The following RUNX3 variants were observed in gnomAD, a reference collection of about 807,000 sequenced individuals.
RUNX3 encodes runt-related transcription factor 3.
RUNX3 carries 10 observed loss-of-function variants against 27.7 expected under a neutral mutation model. The ratio of observed to expected loss-of-function variants is 0.36; its 90% CI spans 0.22 to 0.61. The LOEUF (loss-of-function observed/expected upper bound fraction) is 0.61. RUNX3 is among the 20% of genes least tolerant of loss of function. RUNX3 has a pLI of 0.72. For synonymous variants in RUNX3, 270 were observed against 269.2 expected (o/e 1.00, Z -0.03); for missense variants, 469 against 629.5 (o/e 0.75, Z 2.73).
chr1:24,902,039 C>T lies in RUNX3; in HGVS notation c.*83G>A. Reference sequence around the variant, plus strand: ...CCCTGGAGCGCAGGTCCCATTCCCGCCCGGAGCCTCGGAGCCGGCCCATCA... The same window carrying T: ...CCCTGGAGCGCAGGTCCCATTCCCGTCCGGAGCCTCGGAGCCGGCCCATCA... On this transcript the variant is annotated 3_prime_UTR_variant, in exon 5 of 5. Coordinates refer to ENST00000308873, the MANE Select transcript of RUNX3 (RefSeq NM_004350.3). This position sits in a 1 kb window ranked among gnomAD's most constrained non-coding sequence, Gnocchi z 9.2. 1 of 1,335,218 alleles carries T rather than the reference C, an allele frequency of 7.5e-7. No homozygotes were observed. Among genetic ancestry groups the T allele is most frequent in the Non-Finnish European group, 1.0e-6 (1 of 1,004,124 alleles). 82.7% of individuals were successfully genotyped at this position (1,335,218 alleles called of 1,614,324 possible). A position where few individuals can be genotyped will look rare whatever the true frequency, so the allele number is the denominator to read the frequency against.
At chr1:24,957,336 T>TCATC (rs72443915) in intron 2 of RUNX3, among the ~76,000 whole-genome samples, 28,485 of 149,834 alleles carry the variant, frequency 0.19, 2,826 homozygotes, top group East Asian at 0.31. Flanking sequence ...ATTCATTCGT[T>TCATC]CATCCATCCA....
intron 2 of RUNX3, among the ~76,000 whole-genome samples, chr1:24,953,363 G>GAAAAAAAAAAAAA (rs71577738): frequency 4.9e-5 from 3 of 60,732 alleles, no homozygotes; most frequent in Admixed American, 2.3e-4. Flanking sequence ...GACTCCGTCT[G>GAAAAAAAAAAAAA]AAAAAAAAAA....
At position 24,919,461 on chromosome 1, in the gene RUNX3, C is replaced by T. The variant is rs188297615; in HGVS notation, c.440-117G>A. The T allele has an allele frequency of 4.7e-5, 30 of 636,046 alleles. No individual in the cohort carries two copies. The East Asian group carries it at 7.4e-4, about 16-fold the overall frequency. The allele number at this position is 636,046 out of a possible 1,614,324, so 39.4% of individuals were successfully genotyped here. A position where few individuals can be genotyped will look rare whatever the true frequency, so the allele number is the denominator to read the frequency against. ...TAACTGTCAAGAAGGGGCACTCTGT[C>T]CTCTTTGAACATGGGCAGAAGATAG... On this transcript the variant is annotated intron_variant, in intron 2 of 4. Coordinates refer to ENST00000308873, the MANE Select transcript of RUNX3 (RefSeq NM_004350.3).
At chr1:24,912,476 C>T (rs1375247852) in intron 3 of RUNX3, among the ~76,000 whole-genome samples, 2 of 152,120 alleles carry the variant, frequency 1.3e-5, no homozygotes, top group South Asian at 2.1e-4. Flanking sequence ...AGTCCAGGAG[C>T]CCCTCCTCCA....
chr1:24,932,075 T>G (rs1641242139), upstream of RUNX3, among the ~76,000 whole-genome samples: 1 of 152,190 alleles, frequency 6.6e-6, no homozygotes, highest in East Asian at 1.9e-4. Context: ...TCGAGCAGGT[T>G]GCGGGACCAT....
rs572444213 is a variant in RUNX3 at position 24,925,999 on chromosome 1, G to A, written c.439+1575C>T. Among the ~76,000 whole-genome samples the A allele has an allele frequency of 5.3e-5, 8 of 152,284 alleles. No homozygotes were observed. In the East Asian group the frequency reaches 1.4e-3, roughly 26 times the overall value. On this transcript the variant is annotated intron_variant, in intron 2 of 4. Coordinates refer to ENST00000308873, the MANE Select transcript of RUNX3 (RefSeq NM_004350.3). ...CAAGGTCTCGGTAACTCAGAAAATC[G>A]TCGTCTCTTCTCTTTCTCTCGCTTC...
intron 2 of RUNX3, among the ~76,000 whole-genome samples, chr1:24,945,530 C>G (rs1378677930): frequency 6.6e-6 from 1 of 152,214 alleles, no homozygotes; most frequent in Non-Finnish European, 1.5e-5. Flanking sequence ...TCACTCGGTT[C>G]TTGCAATAAC....
At chr1:24,929,172 G>C (rs551859082) in intron 1 of RUNX3, 7 of 474,820 alleles carry the variant, frequency 1.5e-5, no homozygotes, top group African/African-American at 1.4e-4. Context: ...CGCGGGAGGA[G>C]GGGTGCTGGA....
At chr1:24,948,103 A>G (rs962157904) in intron 2 of RUNX3, among the ~76,000 whole-genome samples, 1 of 152,232 alleles carries the variant, frequency 6.6e-6, no homozygotes, top group Non-Finnish European at 1.5e-5. Flanking sequence ...TGGAGGCCTC[A>G]GCCCTCCAGA....
intron 2 of RUNX3, among the ~76,000 whole-genome samples, chr1:24,938,504 C>G (rs933579463): frequency 6.6e-6 from 1 of 152,210 alleles, no homozygotes; most frequent in Non-Finnish European, 1.5e-5. Context: ...ATCAGCTCAG[C>G]TTGCCCTTGT....
At chr1:24,928,749 G>A (rs1641149107) in intron 1 of RUNX3, 4 of 234,694 alleles carry the variant, frequency 1.7e-5, no homozygotes, top group South Asian at 1.7e-4. Flanking sequence ...AGACCTCAAA[G>A]AGCCACTCTT....
rs3085849 is a variant in RUNX3, at chr1:24,901,036, G to GTTTTTTTTTTTTTTTTTTTTTT, written c.*1085_*1086insAAAAAAAAAAAAAAAAAAAAAA. On this transcript the variant is annotated 3_prime_UTR_variant, in exon 5 of 5. Coordinates refer to ENST00000308873, the MANE Select transcript of RUNX3 (RefSeq NM_004350.3). The stretch of plus-strand genomic sequence containing the variant: ...TGTTTTGTTTTTTTTTTGTTTTTTT[G>GTTTTTTTTTTTTTTTTTTTTTT]TTTTTTTTTTTTTTTTGCTCAGGAC... The GTTTTTTTTTTTTTTTTTTTTTT allele has an allele frequency of 1.1e-4, 13 of 116,906 alleles. No homozygotes were observed. The highest frequency in any genetic ancestry group is 2.4e-4 in the African/African-American group (7 of 29,034). The allele number at this position is 116,906 out of a possible 1,614,324, so 7.2% of individuals were successfully genotyped here. A position where few individuals can be genotyped will look rare whatever the true frequency, so the allele number is the denominator to read the frequency against.
chr1:24,929,441 C>G, intron 1 of RUNX3, 146 bp downstream of exon 1: 1 of 825,654 alleles, frequency 1.2e-6, no homozygotes. Context: ...GAGCCGAGCG[C>G]GCAGCCAGAC....
At chr1:24,953,639 G>T (rs1641836576) in intron 2 of RUNX3, among the ~76,000 whole-genome samples, 1 of 152,170 alleles carries the variant, frequency 6.6e-6, no homozygotes, top group Admixed American at 6.6e-5. Context: ...CTACGGGACG[G>T]TGCCGTTCTA....
chr1:24,921,661 C>G (rs1248484875), intron 2 of RUNX3, among the ~76,000 whole-genome samples: 1 of 152,234 alleles, frequency 6.6e-6, no homozygotes, highest in Non-Finnish European at 1.5e-5. Context: ...GGTCATTTCT[C>G]TGCTGGACCT....
intron 2 of RUNX3, among the ~76,000 whole-genome samples, chr1:24,926,163 A>G (rs777241394): frequency 2.0e-5 from 3 of 152,164 alleles, no homozygotes; most frequent in Non-Finnish European, 4.4e-5. Context: ...AGACCTGGCC[A>G]CTGCCCCGCA....
In RUNX3 at chr1:24,899,716, G is replaced by C. The variant is rs1046061215; in HGVS notation, c.*2406C>G. ...GGTTTTACATCAGATGAGTGCAGCAGGTGTCACACCTCAGCATGACAATAT... is the reference window on the plus strand; with the variant it reads ...GGTTTTACATCAGATGAGTGCAGCACGTGTCACACCTCAGCATGACAATAT... On this transcript the variant is annotated 3_prime_UTR_variant, in exon 5 of 5. Coordinates refer to ENST00000308873, the MANE Select transcript of RUNX3 (RefSeq NM_004350.3). 6.5e-6 allele frequency: 1 copy of C among 152,686 alleles called. No homozygotes were observed. 9.5% of individuals were successfully genotyped at this position (152,686 alleles called of 1,614,324 possible).
intron 2 of RUNX3, among the ~76,000 whole-genome samples, chr1:24,953,656 T>C (rs1302655287): frequency 1.3e-5 from 2 of 152,164 alleles, no homozygotes; most frequent in Non-Finnish European, 2.9e-5. Flanking sequence ...TCTAGATTCT[T>C]CTTAGACATA....
intron 1 of RUNX3, chr1:24,929,071 G>A: frequency 2.2e-6 from 1 of 458,006 alleles, no homozygotes; most frequent in Non-Finnish European, 4.4e-6. Context: ...CCGAGCAAAC[G>A]TCTGGAGAGC....
Sources: allele counts gnomAD v4.1 joint callset (sites outside exome capture counted in the v4.1 genomes callset), GRCh38; gene constraint gnomAD v4.1.1; non-coding constraint Gnocchi (gnomAD v3.1); transcripts MANE v1.5; gene names NCBI Gene and HGNC (gene_info 2026-07-23, HGNC 2026-07-21).